RAB8B: variants seen among roughly 807,000 people sequenced by gnomAD.
The protein encoded by RAB8B is RAB8B, member RAS oncogene family.
RAB8B carries 11 observed loss-of-function variants against 32.0 expected under a neutral mutation model. The ratio of observed to expected loss-of-function variants is 0.34; its 90% confidence interval spans 0.22 to 0.57. RAB8B has a LOEUF of 0.57. Ranked by LOEUF, RAB8B falls within the 20% of genes least tolerant of loss-of-function variation. The pLI, the probability that RAB8B is intolerant of heterozygous loss-of-function variation, is 0.86. For missense variants in RAB8B, 190 were observed against 258.5 expected, an observed-to-expected ratio of 0.73 and a Z score of 1.82; for synonymous variants, 103 against 89.6, an observed-to-expected ratio of 1.15 and a Z score of -0.85.
rs747355137 is a variant in RAB8B at position 63,189,678 on chromosome 15, G to A, written c.54G>A (p.Gly18=). ...AGCTCCTGCTGATCGGCGACTCGGGGGTAGGCAAGACCTGCCTCCTGTTCC... is the reference window on the plus strand; with the variant it reads ...AGCTCCTGCTGATCGGCGACTCGGGAGTAGGCAAGACCTGCCTCCTGTTCC... ...LFKLLLIGDS[G]VGKTCLLFRF... is the part of the protein sequence containing the mutation. Residue 18 remains glycine (G), a synonymous_variant, in exon 1 of 8, where the codon GGG becomes GGA. Transcript: ENST00000321437. The A allele has an allele frequency of 6.2e-6, 10 of 1,614,008 alleles. No homozygotes were observed. The South Asian group carries it at 1.1e-4, about 18-fold the overall frequency.
At chr15:63,244,676 A>G in intron 1 of RAB8B, 80 bp from the exon 2 acceptor site, 1 of 1,160,032 alleles carries the variant, frequency 8.6e-7, no homozygotes, top group African/African-American at 1.6e-5. Context: ...GCTTTTTTTC[A>G]ATAGAAATCT....
intron 1 of RAB8B, among the ~76,000 whole-genome samples, chr15:63,213,325 G>C (rs981471188): frequency 6.7e-6 from 1 of 150,258 alleles, no homozygotes; most frequent in Non-Finnish European, 1.5e-5. Flanking sequence ...GCAAAGCAGA[G>C]GATAGGCTAG....
Position 63,248,321 on chromosome 15 carries a change from G to C in RAB8B, c.186-1324G>C, listed in dbSNP as rs552931879. ...AAGGTCAGGAGTTTGAGACCAGCCT[G>C]GTTAATATGGTGAAACCCCATCTCT... is the stretch of plus-strand genomic sequence containing the variant. On this transcript the variant is annotated intron_variant, in intron 2 of 7. Transcript: ENST00000321437. This position sits in a 1 kb window ranked among gnomAD's most constrained non-coding sequence, Gnocchi z 4.4. 6.6e-6 allele frequency among the ~76,000 whole-genome samples: 1 copy of C among 152,298 alleles called. No individual in the cohort carries two copies. Among genetic ancestry groups the C allele is most frequent in the East Asian group, 1.9e-4 (1 of 5,190 alleles).
chr15:63,237,384 C>T (rs1311296596), intron 1 of RAB8B, among the ~76,000 whole-genome samples: 1 of 152,170 alleles, frequency 6.6e-6, no homozygotes, highest in Non-Finnish European at 1.5e-5. Context: ...TCTCCACATC[C>T]CTGCCAGTGT....
intron 5 of RAB8B, among the ~76,000 whole-genome samples, chr15:63,258,864 T>C (rs1212394122): frequency 6.6e-6 from 1 of 152,104 alleles, no homozygotes; most frequent in Non-Finnish European, 1.5e-5. Flanking sequence ...AGAGGTACTT[T>C]CCATTTTTAA....
At chr15:63,212,803 C>T (rs535072366) in intron 1 of RAB8B, among the ~76,000 whole-genome samples, 7 of 152,132 alleles carry the variant, frequency 4.6e-5, no homozygotes, top group Non-Finnish European at 8.8e-5. Flanking sequence ...TTGAAAGGCC[C>T]GTCTTTGTAT....
intron 1 of RAB8B, among the ~76,000 whole-genome samples, chr15:63,228,503 C>G (rs1165440722): frequency 6.6e-6 from 1 of 152,214 alleles, no homozygotes; most frequent in East Asian, 1.9e-4. Context: ...TTTGTTTCTG[C>G]AGATGGTCAT....
At chr15:63,220,521 T>C (rs1369206345) in intron 1 of RAB8B, among the ~76,000 whole-genome samples, 2 of 152,140 alleles carry the variant, frequency 1.3e-5, no homozygotes, top group Non-Finnish European at 2.9e-5. Context: ...CAGTGTTCAC[T>C]GCACATATAA....
intron 1 of RAB8B, among the ~76,000 whole-genome samples, chr15:63,210,950 G>A (rs1291081299): frequency 1.3e-5 from 2 of 152,180 alleles, no homozygotes; most frequent in African/African-American, 4.8e-5. Flanking sequence ...TGTGTGGTGT[G>A]GTTCTAATTA....
At chr15:63,246,371 T>C (rs2038072421) in intron 2 of RAB8B, among the ~76,000 whole-genome samples, 1 of 152,218 alleles carries the variant, frequency 6.6e-6, no homozygotes, top group Non-Finnish European at 1.5e-5. Flanking sequence ...TCTGACCAAC[T>C]GGCTATAAAT....
intron 1 of RAB8B, among the ~76,000 whole-genome samples, chr15:63,231,353 AAAT>A (rs1371323397): frequency 2.0e-5 from 3 of 152,166 alleles, no homozygotes; most frequent in African/African-American, 7.2e-5. Context: ...GGAAAGAGCC[AAAT>A]AATCAGTTTC....
intron 6 of RAB8B, among the ~76,000 whole-genome samples, chr15:63,260,795 A>T (rs1304624644): frequency 3.3e-5 from 5 of 152,316 alleles, no homozygotes; most frequent in Admixed American, 2.6e-4. Context: ...ATATGTGTTA[A>T]TACATGTAAT....
intron 5 of RAB8B, among the ~76,000 whole-genome samples, chr15:63,257,439 G>A (rs2038166796): frequency 6.6e-6 from 1 of 151,832 alleles, no homozygotes; most frequent in Non-Finnish European, 1.5e-5. Context: ...GCTAATTTTT[G>A]TATTTTTAGT....
At chr15:63,241,411 T>A (rs1330499409) in intron 1 of RAB8B, among the ~76,000 whole-genome samples, 1 of 152,240 alleles carries the variant, frequency 6.6e-6, no homozygotes, top group Non-Finnish European at 1.5e-5. Context: ...TTAATTAATT[T>A]ATTCAGGTAT....
At chr15:63,261,695 G>A (rs1459787587) in intron 6 of RAB8B, among the ~76,000 whole-genome samples, 2 of 152,216 alleles carry the variant, frequency 1.3e-5, no homozygotes, top group Non-Finnish European at 1.5e-5. Flanking sequence ...CTGACAATGA[G>A]TAATAATAGT....
intron 1 of RAB8B, among the ~76,000 whole-genome samples, chr15:63,222,839 C>T (rs1238869043): frequency 6.6e-6 from 1 of 152,172 alleles, no homozygotes; most frequent in African/African-American, 2.4e-5. Flanking sequence ...CCATGCCCGG[C>T]CCACATAAGA....
intron 1 of RAB8B, among the ~76,000 whole-genome samples, chr15:63,225,676 T>A (rs1202882001): frequency 6.6e-6 from 1 of 152,212 alleles, no homozygotes; most frequent in Non-Finnish European, 1.5e-5. Context: ...TTATGAAATT[T>A]TAATGACTAT....
intron 1 of RAB8B, among the ~76,000 whole-genome samples, chr15:63,229,208 G>A (rs528255737): frequency 6.6e-6 from 1 of 152,300 alleles, no homozygotes; most frequent in African/African-American, 2.4e-5. Context: ...GGGGAGAGGA[G>A]GAAAGCTATT....
chr15:63,213,971 C>T (rs996156280), intron 1 of RAB8B, among the ~76,000 whole-genome samples: 3 of 151,938 alleles, frequency 2.0e-5, no homozygotes, highest in African/African-American at 7.3e-5. Context: ...ATCCCAGCTA[C>T]TCGGGAGGCT....
Sources: allele counts gnomAD v4.1 joint callset (sites outside exome capture counted in the v4.1 genomes callset), GRCh38; gene constraint gnomAD v4.1.1; non-coding constraint Gnocchi (gnomAD v3.1); transcripts MANE v1.5; gene names NCBI Gene and HGNC (gene_info 2026-07-23, HGNC 2026-07-21).